PTPRD: variants seen among roughly 807,000 people sequenced by gnomAD.
PTPRD encodes receptor-type tyrosine-protein phosphatase delta.
PTPRD carries 34 observed loss-of-function variants against 214.5 expected under a neutral mutation model. That is an observed-to-expected ratio of 0.16 (90% CI 0.12 to 0.21). The LOEUF (loss-of-function observed/expected upper bound fraction) is 0.21. PTPRD is among the 10% of genes least tolerant of loss of function. The pLI, the probability that PTPRD is intolerant of heterozygous loss-of-function variation, is 1.00. For missense variants in PTPRD, 2,545 were observed against 2,398.7 expected (o/e 1.06, Z -1.27); for synonymous variants, 1,128 against 845.7 (o/e 1.33, Z -5.79).
chr9:8,453,823 G>T (rs1347832326), intron 33 of PTPRD, among the ~76,000 whole-genome samples: 6 of 152,168 alleles, frequency 3.9e-5, no homozygotes, highest in African/African-American at 1.4e-4. Context: ...CCCTGGTGGT[G>T]CTGACGCTAT....
chr9:10,089,206 A>AAAATAAATAAATAAATAAATAAAT lies in PTPRD; in HGVS notation c.-544-55440_-544-55417dup, dbSNP rs34355367. Among the ~76,000 whole-genome samples, 43 of 142,640 alleles carry AAAATAAATAAATAAATAAATAAAT rather than the reference A, an allele frequency of 3.0e-4. No individual in the cohort carries two copies. In the East Asian group the frequency reaches 5.2e-3, roughly 17 times the overall value. 93.6% of individuals were successfully genotyped at this position (142,640 alleles called of 152,430 possible). A position where few individuals can be genotyped will look rare whatever the true frequency, so the allele number is the denominator to read the frequency against. Reference sequence around the variant, plus strand: ...GGGTGACAGAATGAGAATCAGTCTCAAAATAAATAAATAAATAAATAAATA... The same window carrying AAAATAAATAAATAAATAAATAAAT: ...GGGTGACAGAATGAGAATCAGTCTCAAAATAAATAAATAAATAAATAAATAAATAAATAAATAAATAAATAAATA... On this transcript the variant is annotated intron_variant, in intron 3 of 45. Transcript: ENST00000381196.
chr9:9,825,212 A>C (rs901415807), intron 5 of PTPRD, among the ~76,000 whole-genome samples: 4 of 151,900 alleles, frequency 2.6e-5, no homozygotes, highest in African/African-American at 9.7e-5. Context: ...AGACAGAATA[A>C]ATGCTTGATT....
At chr9:10,210,988 C>T (rs1429371151) in intron 3 of PTPRD, among the ~76,000 whole-genome samples, 2 of 151,102 alleles carry the variant, frequency 1.3e-5, no homozygotes, top group African/African-American at 2.4e-5. Context: ...AAAGGGTACA[C>T]ATTTTTGTGT....
chr9:9,485,895 G>C (rs2095608560), intron 8 of PTPRD, among the ~76,000 whole-genome samples: 1 of 151,984 alleles, frequency 6.6e-6, no homozygotes, highest in Non-Finnish European at 1.5e-5. Flanking sequence ...GCTCACGCCT[G>C]TAATCCCAGC....
At chr9:10,250,799 T>C (rs2092695621) in intron 3 of PTPRD, among the ~76,000 whole-genome samples, 1 of 151,866 alleles carries the variant, frequency 6.6e-6, no homozygotes, top group African/African-American at 2.4e-5. Flanking sequence ...TAAAATAATA[T>C]GTGGAATAAG....
chr9:9,618,912 A>G (rs994321590), intron 7 of PTPRD, among the ~76,000 whole-genome samples: 1 of 152,184 alleles, frequency 6.6e-6, no homozygotes, highest in Admixed American at 6.5e-5. Context: ...AAGGAAAAAA[A>G]ACCTCTGAAG....
chr9:10,590,182 T>C (rs2075064419), intron 2 of PTPRD, among the ~76,000 whole-genome samples: 1 of 152,002 alleles, frequency 6.6e-6, no homozygotes, highest in South Asian at 2.1e-4. Flanking sequence ...AGAACAATCA[T>C]ACAAATTAGG....
chr9:9,320,896 G>T (rs1318905684), intron 9 of PTPRD, among the ~76,000 whole-genome samples: 1 of 152,110 alleles, frequency 6.6e-6, no homozygotes, highest in African/African-American at 2.4e-5. Flanking sequence ...CCAGAAATGT[G>T]CCAGATAAGA....
intron 14 of PTPRD, among the ~76,000 whole-genome samples, chr9:8,544,467 C>CTTTTTT (rs34002040): frequency 2.6e-5 from 3 of 116,210 alleles, no homozygotes; most frequent in Non-Finnish European, 5.2e-5. Flanking sequence ...AAAAAAATAA[C>CTTTTTT]TTTTTTTTTT....
rs576779450 is a variant in PTPRD at position 9,186,333 on chromosome 9, C to T, written c.-202-2970G>A. 8.5e-5 allele frequency among the ~76,000 whole-genome samples: 13 copies of T among 152,156 alleles called. No individual in the cohort carries two copies. The South Asian group carries it at 2.7e-3, about 32-fold the overall frequency. ...TGAGGAAACTGTAAGAGCTGAAGTT[C>T]ATAACTTTAAAGCGAAGATCTGTCC... On this transcript the variant is annotated intron_variant, in intron 9 of 45. Coordinates refer to ENST00000381196, the MANE Select transcript of PTPRD (RefSeq NM_002839.4).
chr9:9,322,503 T>G (rs7039887), intron 9 of PTPRD, among the ~76,000 whole-genome samples: 112,033 of 152,024 alleles, frequency 0.74, 41,550 homozygotes, highest in East Asian at 0.93. Context: ...CACTATACCA[T>G]GCTACTTCTC....
chr9:10,303,883 A>C (rs2095956852), intron 3 of PTPRD, among the ~76,000 whole-genome samples: 1 of 152,150 alleles, frequency 6.6e-6, no homozygotes, highest in Admixed American at 6.5e-5. Context: ...AAGCAACAAA[A>C]AAAGATGGAA....
At chr9:9,287,133 G>A (rs1161550347) in intron 9 of PTPRD, among the ~76,000 whole-genome samples, 1 of 151,000 alleles carries the variant, frequency 6.6e-6, no homozygotes, top group African/African-American at 2.4e-5. Flanking sequence ...GCTGAGGCAG[G>A]AGAATCGCTT....
At chr9:8,436,831 A>T (rs2095369438) in intron 34 of PTPRD, 142 bp from the exon 35 acceptor site, 1 of 671,138 alleles carries the variant, frequency 1.5e-6, no homozygotes, top group East Asian at 2.7e-5. Context: ...GAAGCAGGCA[A>T]ATAGTTTGGT....
At chr9:9,928,217 A>T (rs775005344) in intron 5 of PTPRD, among the ~76,000 whole-genome samples, 31 of 152,294 alleles carry the variant, frequency 2.0e-4, no homozygotes, top group Non-Finnish European at 3.1e-4. Context: ...TCAGATCATG[A>T]AGTGTTATTA....
chr9:8,447,290 A>G (rs1334361298), intron 34 of PTPRD, among the ~76,000 whole-genome samples: 1 of 152,118 alleles, frequency 6.6e-6, no homozygotes, highest in Non-Finnish European at 1.5e-5. Flanking sequence ...ATTTGAGGTG[A>G]TAAGTCTAAC....
intron 9 of PTPRD, among the ~76,000 whole-genome samples, chr9:9,276,429 T>C (rs960891925): frequency 4.6e-5 from 7 of 151,332 alleles, no homozygotes; most frequent in Admixed American, 4.6e-4. Context: ...GGAACTGTTT[T>C]GGTAATGGGC....
At chr9:9,567,337 A>T (rs1375054997) in intron 8 of PTPRD, among the ~76,000 whole-genome samples, 1 of 151,998 alleles carries the variant, frequency 6.6e-6, no homozygotes, top group Non-Finnish European at 1.5e-5. Flanking sequence ...AGCAAAGAAC[A>T]TAGGTATGCC....
rs118076249 is a variant in PTPRD, at chr9:9,414,532, G to A, written c.-236-17050C>T. 5.9e-5 allele frequency among the ~76,000 whole-genome samples: 9 copies of A among 152,256 alleles called. No homozygotes were observed. The East Asian group carries it at 1.7e-3, about 29-fold the overall frequency. On this transcript the variant is annotated intron_variant, in intron 8 of 45. Coordinates refer to ENST00000381196, the MANE Select transcript of PTPRD (RefSeq NM_002839.4). Reference sequence around the variant, plus strand: ...ACGTTTAGTCCAGGGATATATCCTAGGGATAATAATCAGCTCTATTCAACA... The same window carrying A: ...ACGTTTAGTCCAGGGATATATCCTAAGGATAATAATCAGCTCTATTCAACA...
Sources: allele counts gnomAD v4.1 joint callset (sites outside exome capture counted in the v4.1 genomes callset), GRCh38; gene constraint gnomAD v4.1.1; transcripts MANE v1.5; gene names NCBI Gene and HGNC (gene_info 2026-07-23, HGNC 2026-07-21).